TOM1L1: variants seen among roughly 807,000 people sequenced by gnomAD.
TOM1L1 encodes target of myb1 like 1 membrane trafficking protein.
Under a neutral mutation model 63.4 loss-of-function variants are expected in TOM1L1, and 64 were observed. The ratio of observed to expected loss-of-function variants is 1.01; its 90% CI spans 0.83 to 1.24. TOM1L1 has a LOEUF of 1.24. TOM1L1 is among the 50% of genes most tolerant of loss of function. The pLI is 0.00. For missense variants in TOM1L1, 536 were observed against 567.0 expected (o/e 0.95, Z 0.55); for synonymous variants, 166 against 194.4 (o/e 0.85, Z 1.22).
intron 11 of TOM1L1, among the ~76,000 whole-genome samples, chr17:54,947,009 G>A (rs1001768554): frequency 2.6e-5 from 4 of 152,156 alleles, no homozygotes; most frequent in African/African-American, 9.7e-5. Flanking sequence ...TAGCTACACT[G>A]ATGGAAAGAC....
intron 11 of TOM1L1, among the ~76,000 whole-genome samples, chr17:54,946,756 C>T (rs541335501): frequency 2.6e-5 from 4 of 152,172 alleles, no homozygotes; most frequent in Admixed American, 2.6e-4. Flanking sequence ...AGGCAAAAAA[C>T]GGTAAATTCA....
intron 14 of TOM1L1, chr17:54,951,854 C>T (rs1464731389): frequency 6.6e-6 from 1 of 152,166 alleles, no homozygotes; most frequent in East Asian, 1.9e-4. Flanking sequence ...ACCCAGGGTT[C>T]ATTCACCTGG....
chr17:54,953,083 A>G (rs1484618395), intron 14 of TOM1L1: 1 of 152,322 alleles, frequency 6.6e-6, no homozygotes, highest in African/African-American at 2.4e-5. Context: ...GTGTTGATCA[A>G]AAACTCAGCT....
intron 11 of TOM1L1, among the ~76,000 whole-genome samples, chr17:54,939,669 C>T (rs1482474040): frequency 1.3e-5 from 2 of 152,108 alleles, no homozygotes; most frequent in African/African-American, 4.8e-5. Context: ...GGGATACTCC[C>T]ACCTCAACCT....
intron 4 of TOM1L1, 83 bp downstream of exon 4, chr17:54,912,898 C>G: frequency 1.6e-6 from 2 of 1,214,684 alleles, no homozygotes; most frequent in Non-Finnish European, 2.2e-6. Flanking sequence ...TTTCACTTAT[C>G]TTTTATATAT....
intron 3 of TOM1L1, among the ~76,000 whole-genome samples, chr17:54,908,582 T>A (rs2048448200): frequency 6.6e-6 from 1 of 152,250 alleles, no homozygotes; most frequent in Admixed American, 6.5e-5. Context: ...TTATGTTATC[T>A]GTCATGTTGA....
In TOM1L1 at chr17:54,958,748, A is replaced by AAAAAAAAAAAAG. The variant is rs372776781; in HGVS notation, c.1371-1818_1371-1817insAAAAAAAAAAAG. On this transcript the variant is annotated intron_variant, in intron 14 of 15. Transcript: ENST00000575882. ...TCCATCTCAAAAAAAAAAAAAAAAA[A>AAAAAAAAAAAAG]GGGGTTGTTGGTAGCTAGAGGATAC... Among the ~76,000 whole-genome samples the AAAAAAAAAAAAG allele has an allele frequency of 8.5e-3, 1,014 of 118,728 alleles. 28 individuals carry two copies. The highest frequency in any genetic ancestry group is 0.018 in the Middle Eastern group (4 of 228). The allele number at this position is 118,728 out of a possible 152,430, so 77.9% of individuals were successfully genotyped here.
chr17:54,944,026 C>T (rs534015345), intron 11 of TOM1L1, among the ~76,000 whole-genome samples: 22 of 151,806 alleles, frequency 1.4e-4, no homozygotes, highest in Non-Finnish European at 2.9e-4. Flanking sequence ...AAGTAAAAAC[C>T]TTATCACCAT....
intron 8 of TOM1L1, among the ~76,000 whole-genome samples, chr17:54,936,210 AAAC>A (rs2048943595): frequency 6.6e-6 from 1 of 152,240 alleles, no homozygotes; most frequent in African/African-American, 2.4e-5. Context: ...GCAAAGTAGA[AAAC>A]AAATAATCAC....
intron 3 of TOM1L1, among the ~76,000 whole-genome samples, chr17:54,911,127 C>G (rs556922572): frequency 6.6e-6 from 1 of 152,294 alleles, no homozygotes; most frequent in African/African-American, 2.4e-5. Context: ...GCTCATGTTG[C>G]TTTATTGCAA....
At chr17:54,938,104 T>C (rs1416119505) in intron 10 of TOM1L1, 1 of 152,216 alleles carries the variant, frequency 6.6e-6, no homozygotes, top group Non-Finnish European at 1.5e-5. Flanking sequence ...CAGTGGGATG[T>C]GTAGAGTCAG....
intron 14 of TOM1L1, chr17:54,959,319 A>T (rs1020696474): frequency 6.6e-6 from 1 of 152,164 alleles, no homozygotes; most frequent in Admixed American, 6.6e-5. Context: ...GACGCATATA[A>T]AGAATTGAAT....
intron 14 of TOM1L1, among the ~76,000 whole-genome samples, chr17:54,956,414 C>G (rs1022007561): frequency 3.3e-5 from 5 of 152,152 alleles, no homozygotes; most frequent in Admixed American, 6.5e-5. Context: ...AGGCAATTCT[C>G]ATGCCTCAGC....
intron 7 of TOM1L1, among the ~76,000 whole-genome samples, chr17:54,923,245 C>G (rs2048712149): frequency 6.6e-6 from 1 of 152,120 alleles, no homozygotes; most frequent in South Asian, 2.1e-4. Flanking sequence ...TTTTGAGTAT[C>G]AACCTAAGAG....
chr17:54,901,751 G>T (rs2048331161), intron 1 of TOM1L1, among the ~76,000 whole-genome samples: 1 of 152,134 alleles, frequency 6.6e-6, no homozygotes. Flanking sequence ...AGTAGTTGTA[G>T]TAAAGAGGCC....
At chr17:54,955,607 C>T (rs2049460008) in intron 14 of TOM1L1, among the ~76,000 whole-genome samples, 1 of 152,170 alleles carries the variant, frequency 6.6e-6, no homozygotes, top group African/African-American at 2.4e-5. Context: ...AGTTATACCA[C>T]GTAGGGAACA....
intron 13 of TOM1L1, 97 bp downstream of exon 13, chr17:54,949,720 G>A: frequency 9.7e-7 from 1 of 1,028,866 alleles, no homozygotes; most frequent in South Asian, 1.4e-5. Flanking sequence ...GGAGAAATTA[G>A]AGATGCTCTT....
intron 8 of TOM1L1, among the ~76,000 whole-genome samples, chr17:54,933,843 T>C (rs1472762306): frequency 6.6e-6 from 1 of 152,150 alleles, no homozygotes; most frequent in Non-Finnish European, 1.5e-5. Flanking sequence ...GTTTTATACA[T>C]TTTCGGGAGA....
intron 14 of TOM1L1, chr17:54,954,965 A>G (rs1009433141): frequency 2.0e-5 from 3 of 152,210 alleles, no homozygotes; most frequent in Non-Finnish European, 1.5e-5. Context: ...AGGCTGTATT[A>G]CAGTAATATA....
Sources: gnomAD v4.1 joint callset for allele counts (sites outside exome capture counted in the v4.1 genomes callset) on GRCh38, gnomAD v4.1.1 for gene constraint, MANE v1.5 for transcripts, NCBI Gene and HGNC (gene_info 2026-07-23, HGNC 2026-07-21) for gene names.